The following DCX variants were observed in gnomAD, a reference collection of about 807,000 sequenced individuals.
DCX encodes neuronal migration protein doublecortin.
Under a neutral mutation model 20.9 loss-of-function variants are expected in DCX, and 4 were observed. The observed-to-expected ratio is 0.19, with a 90% CI of 0.09 to 0.44. The LOEUF (loss-of-function observed/expected upper bound fraction) is 0.44. Ranked by LOEUF, DCX falls within the 20% of genes least tolerant of loss-of-function variation. DCX has a pLI of 0.99. For synonymous variants in DCX, 103 were observed against 111.4 expected (o/e 0.92, Z 0.47); for missense variants, 133 against 296.9 (o/e 0.45, Z 4.06).
chrX:111,398,213 T>C lies in DCX; in HGVS notation c.705+2777A>G, dbSNP rs149919859. ...CTATCTCTTCTGAAAGACCTAAGGA[T>C]AATGTCTGGGGAATTGAAAGATGGG... On this transcript the variant is annotated intron_variant, in intron 3 of 6. Coordinates refer to ENST00000636035, the MANE Select transcript of DCX (RefSeq NM_001195553.2). 7.8e-3 allele frequency among the ~76,000 whole-genome samples: 863 copies of C among 110,347 alleles called. 7 individuals are homozygous for C. Among genetic ancestry groups the C allele is most frequent in the Non-Finnish European group, 0.014 (726 of 52,792 alleles).
At chrX:111,363,265 T>G (rs1924354333) in intron 3 of DCX, among the ~76,000 whole-genome samples, 1 of 110,642 alleles carries the variant, frequency 9.0e-6, no homozygotes, top group Admixed American at 9.6e-5. Flanking sequence ...CTCTGTCTGC[T>G]TCACCACAGA....
intron 6 of DCX, among the ~76,000 whole-genome samples, chrX:111,304,300 C>T (rs1201301553): frequency 8.9e-6 from 1 of 112,317 alleles, no homozygotes; most frequent in East Asian, 2.8e-4. Flanking sequence ...ACTGGCAAAA[C>T]TGTCAAAATT....
intron 3 of DCX, among the ~76,000 whole-genome samples, chrX:111,349,123 T>C (rs1034204133): frequency 1.8e-5 from 2 of 111,517 alleles, no homozygotes; most frequent in African/African-American, 6.5e-5. Flanking sequence ...TTCTATATAG[T>C]TTAGGGGGGT....
In DCX at chrX:111,297,458, C is replaced by A. The variant is rs2095023943; in HGVS notation, c.*4229G>T. The A allele has an allele frequency of 8.9e-6, 1 of 112,114 alleles. No homozygotes were observed. Among genetic ancestry groups the A allele is most frequent in the African/African-American group, 3.2e-5 (1 of 30,849 alleles). 9.2% of individuals were successfully genotyped at this position (112,114 alleles called of 1,213,427 possible). On this transcript the variant is annotated 3_prime_UTR_variant, in exon 7 of 7. Coordinates refer to ENST00000636035, the MANE Select transcript of DCX (RefSeq NM_001195553.2). Reference sequence around the variant, plus strand: ...CCCAGAGTATTGAAGGGATTAGGAACACAGACAAAATTTTGTTCAAGGTAA... The same window carrying A: ...CCCAGAGTATTGAAGGGATTAGGAAAACAGACAAAATTTTGTTCAAGGTAA...
At chrX:111,369,990 G>C (rs1924946160) in intron 3 of DCX, among the ~76,000 whole-genome samples, 1 of 111,643 alleles carries the variant, frequency 9.0e-6, no homozygotes, top group Admixed American at 9.6e-5. Context: ...TATCAGGGAT[G>C]TGAAAATAAA....
chrX:111,392,171 GA>G (rs970982644), intron 3 of DCX, among the ~76,000 whole-genome samples: 1 of 110,988 alleles, frequency 9.0e-6, no homozygotes, highest in African/African-American at 3.3e-5. Flanking sequence ...TATCTACATA[GA>G]AAAAAAAGAT....
intron 3 of DCX, among the ~76,000 whole-genome samples, chrX:111,386,459 CT>C (rs1355536508): frequency 2.7e-5 from 3 of 111,322 alleles, no homozygotes; most frequent in Non-Finnish European, 5.6e-5. Context: ...CCTCTAAATT[CT>C]TATCTTCTAT....
rs191031848 is a variant in DCX at position 111,322,374 on chromosome X, C to T, written c.946+8530G>A. On this transcript the variant is annotated intron_variant, in intron 5 of 6. Transcript: ENST00000636035. ...CACACCACATACCTCCCACTGTGAACTTCTAGTGATTCATTTTCTGTCTTG... is the reference window on the plus strand; with the variant it reads ...CACACCACATACCTCCCACTGTGAATTTCTAGTGATTCATTTTCTGTCTTG... Among the ~76,000 whole-genome samples, 212 of 112,028 alleles carry T rather than the reference C, an allele frequency of 1.9e-3. 2 individuals carry two copies. The highest frequency in any genetic ancestry group is 6.3e-3 in the African/African-American group (195 of 30,809).
At chrX:111,348,794 C>A (rs762346498) in intron 3 of DCX, among the ~76,000 whole-genome samples, 54 of 109,239 alleles carry the variant, frequency 4.9e-4, no homozygotes, top group African/African-American at 1.8e-3. Context: ...TAACAGTTTC[C>A]TGGTGTCTGC....
intron 3 of DCX, among the ~76,000 whole-genome samples, chrX:111,337,376 C>T (rs1382233320): frequency 9.0e-6 from 1 of 110,600 alleles, no homozygotes; most frequent in African/African-American, 3.3e-5. Context: ...TAACTCAATG[C>T]TCTTCCTTTG....
chrX:111,401,230 A>G lies in DCX; in HGVS notation c.465T>C (p.Asn155=). The G allele has an allele frequency of 1.7e-6, 2 of 1,211,395 alleles. No homozygotes were observed. The highest frequency in any genetic ancestry group is 2.2e-6 in the Non-Finnish European group (2 of 895,410). Reference sequence around the variant, plus strand: ...TAGCCAAGGACTGGGGGGCTTTCATATTGGCAGATGTTTTTACGTTGACAG... The same window carrying G: ...TAGCCAAGGACTGGGGGGCTTTCATGTTGGCAGATGTTTTTACGTTGACAG... ...NWSVNVKTSA[N]MKAPQSLASS... The change falls in exon 3 of 7, where the codon AAT becomes AAC. Residue 155 remains asparagine (N), a synonymous_variant. Transcript: ENST00000636035.
intron 3 of DCX, among the ~76,000 whole-genome samples, chrX:111,374,885 C>T (rs1302979428): frequency 9.3e-6 from 1 of 107,029 alleles, no homozygotes; most frequent in African/African-American, 3.4e-5. Flanking sequence ...TGTCTCGCCA[C>T]CTGCTGTTAG....
At chrX:111,342,753 T>G (rs758197485) in intron 3 of DCX, among the ~76,000 whole-genome samples, 72 of 110,369 alleles carry the variant, frequency 6.5e-4, no homozygotes, top group African/African-American at 2.3e-3. Flanking sequence ...GAACTCAGGA[T>G]TAAGAAACTC....
At chrX:111,393,985 T>C (rs138900635) in intron 3 of DCX, among the ~76,000 whole-genome samples, 217 of 111,789 alleles carry the variant, frequency 1.9e-3, no homozygotes, top group Middle Eastern at 4.6e-3. Context: ...CAATGCCATT[T>C]TGAGATATTT....
At chrX:111,346,865 A>T (rs1922869778) in intron 3 of DCX, among the ~76,000 whole-genome samples, 1 of 112,023 alleles carries the variant, frequency 8.9e-6, no homozygotes, top group African/African-American at 3.2e-5. Context: ...TGTAAAAATG[A>T]TTATTAAAAT....
intron 5 of DCX, among the ~76,000 whole-genome samples, chrX:111,328,822 C>A (rs1424296521): frequency 9.0e-6 from 1 of 111,141 alleles, no homozygotes; most frequent in African/African-American, 3.3e-5. Context: ...CCCAGTTGAG[C>A]CTTCAGATGA....
chrX:111,347,053 G>A (rs754126348), intron 3 of DCX, among the ~76,000 whole-genome samples: 1 of 111,450 alleles, frequency 9.0e-6, no homozygotes, highest in East Asian at 2.8e-4. Flanking sequence ...GACCTCACCT[G>A]TTTGTTCACC....
chrX:111,375,790 G>A (rs1925484433), intron 3 of DCX, among the ~76,000 whole-genome samples: 1 of 112,254 alleles, frequency 8.9e-6, no homozygotes, highest in African/African-American at 3.2e-5. Context: ...TCTTGACTAA[G>A]TGGCATGATG....
chrX:111,305,397 G>A (rs959387396), intron 6 of DCX, among the ~76,000 whole-genome samples: 2 of 111,552 alleles, frequency 1.8e-5, no homozygotes, highest in Non-Finnish European at 3.8e-5. Context: ...AGTTACTATA[G>A]TGAAACAAAT....
Sources: allele counts gnomAD v4.1 joint callset (sites outside exome capture counted in the v4.1 genomes callset), GRCh38; gene constraint gnomAD v4.1.1; transcripts MANE v1.5; gene names NCBI Gene and HGNC (gene_info 2026-07-23, HGNC 2026-07-21).